PIP4P2: variants seen among roughly 807,000 people sequenced by gnomAD.
The protein encoded by PIP4P2 is type 2 phosphatidylinositol 4,5-bisphosphate 4-phosphatase.
Under a neutral mutation model 33.3 loss-of-function variants are expected in PIP4P2, and 19 were observed. The ratio of observed to expected loss-of-function variants is 0.57; its 90% CI spans 0.40 to 0.84. PIP4P2 has a LOEUF of 0.84. Among genes scored for constraint, PIP4P2 ranks in the 40% least tolerant of loss-of-function variants. The pLI is 0.00. For missense variants in PIP4P2, 270 were observed against 324.7 expected (o/e 0.83, Z 1.29); for synonymous variants, 110 against 111.9 (o/e 0.98, Z 0.11).
chr8:91,019,142 G>A (rs965714275), intron 3 of PIP4P2, among the ~76,000 whole-genome samples: 1 of 151,944 alleles, frequency 6.6e-6, no homozygotes, highest in African/African-American at 2.4e-5. Flanking sequence ...CTGGGCATGA[G>A]CGAATAATTC....
intron 1 of PIP4P2, among the ~76,000 whole-genome samples, chr8:91,024,824 G>A (rs1227193105): frequency 6.6e-6 from 1 of 151,900 alleles, no homozygotes; most frequent in Non-Finnish European, 1.5e-5. Context: ...TAGGCCAGTA[G>A]TCCTTAATCC....
chr8:91,004,039 G>A lies in PIP4P2; in HGVS notation c.539+4704C>T, dbSNP rs75109527. Among the ~76,000 whole-genome samples the A allele has an allele frequency of 9.0e-3, 1,366 of 152,144 alleles. 21 individuals carry two copies. The highest frequency in any genetic ancestry group is 0.031 in the African/African-American group (1,279 of 41,508). On this transcript the variant is annotated intron_variant, in intron 5 of 6. Coordinates refer to ENST00000285419, the MANE Select transcript of PIP4P2 (RefSeq NM_018710.3). ...AAATAGATAAGAGGCAATTTATCAA[G>A]GAAATTGGCTACTGTGATTATAGAG...
At chr8:90,996,369 C>T (rs978958646) in intron 6 of PIP4P2, among the ~76,000 whole-genome samples, 16 of 151,952 alleles carry the variant, frequency 1.1e-4, no homozygotes, top group African/African-American at 3.9e-4. Flanking sequence ...TTAGTTCTGG[C>T]ACTGATTTTT....
At chr8:91,020,971 T>G (rs1018715890) in intron 2 of PIP4P2, among the ~76,000 whole-genome samples, 1 of 152,198 alleles carries the variant, frequency 6.6e-6, no homozygotes, top group Non-Finnish European at 1.5e-5. Flanking sequence ...TGGATAGATA[T>G]TGAAAGTATT....
intron 1 of PIP4P2, among the ~76,000 whole-genome samples, chr8:91,029,124 C>G (rs1187104510): frequency 2.6e-5 from 4 of 151,818 alleles, no homozygotes; most frequent in African/African-American, 4.8e-5. Context: ...AACCCCGTCT[C>G]TATTAAAAAT....
chr8:91,014,880 G>T (rs182280179), intron 4 of PIP4P2, among the ~76,000 whole-genome samples: 14 of 151,334 alleles, frequency 9.3e-5, no homozygotes, highest in African/African-American at 3.4e-4. Flanking sequence ...AAAACATTAG[G>T]CTGTACACCT....
intron 1 of PIP4P2, among the ~76,000 whole-genome samples, chr8:91,036,494 T>C (rs1022415904): frequency 6.6e-6 from 1 of 152,164 alleles, no homozygotes; most frequent in Non-Finnish European, 1.5e-5. Context: ...CTCACTTCCA[T>C]GTGCAATCCA....
chr8:90,999,551 C>T (rs1176340864), intron 5 of PIP4P2, among the ~76,000 whole-genome samples: 2 of 152,058 alleles, frequency 1.3e-5, no homozygotes, highest in East Asian at 3.9e-4. Context: ...CACTTTTGTT[C>T]ACATTCCATT....
chr8:91,018,728 A>G, intron 3 of PIP4P2: 1 of 561,040 alleles, frequency 1.8e-6, no homozygotes, highest in Non-Finnish European at 3.1e-6. Flanking sequence ...AATATATTAT[A>G]GCATTGGTCC....
intron 3 of PIP4P2, among the ~76,000 whole-genome samples, 181 bp downstream of exon 3, chr8:91,019,976 A>G (rs1250498214): frequency 6.6e-6 from 1 of 151,998 alleles, no homozygotes; most frequent in African/African-American, 2.4e-5. Context: ...TATCCTACAA[A>G]TATCTATGAC....
intron 2 of PIP4P2, 88 bp downstream of exon 2, chr8:91,021,168 C>T: frequency 6.8e-7 from 1 of 1,478,414 alleles, no homozygotes; most frequent in Non-Finnish European, 9.2e-7. Flanking sequence ...CCCACATATA[C>T]TTTTAAGTAA....
rs138297003 is a variant in PIP4P2, at chr8:90,995,713, G to T, written c.738C>A (p.Ala246=). The T allele has an allele frequency of 2.4e-5, 38 of 1,613,242 alleles. No individual in the cohort carries two copies. The African/African-American group carries it at 4.5e-4, about 19-fold the overall frequency. ...TGTGTTCTGGATAACTGACTCTTAT[G>T]GCTCCCCAATAACAAGCTCGGATAA... ...ICLIRACYWG[A]IRVSYPEHSF... The change falls in exon 7 of 7, where the codon GCC becomes GCA. Residue 246 remains alanine (A), a synonymous_variant. Transcript: ENST00000285419.
rs138968195 is a variant in PIP4P2, at chr8:91,032,218, C to T, written c.106+8426G>A. ...TGCACCTGAAGTCCAGAAAAAGGAA[C>T]CATGCTTTTTGCTTTTTTCACATTT... On this transcript the variant is annotated intron_variant, in intron 1 of 6. Coordinates refer to ENST00000285419, the MANE Select transcript of PIP4P2 (RefSeq NM_018710.3). Among the ~76,000 whole-genome samples, 374 of 152,240 alleles carry T rather than the reference C, an allele frequency of 2.5e-3. 1 individual carries two copies. Among genetic ancestry groups the T allele is most frequent in the Non-Finnish European group, 3.5e-3 (236 of 68,014 alleles).
Position 91,018,399 on chromosome 8 carries a change from G to T in PIP4P2, c.477C>A (p.Asn159Lys), listed in dbSNP as rs1484723721. ...ATGTCCAGTGACTTACCAGGAATGT[G>T]TTTCCACAGTGCCCACACACGACCC... Reference protein sequence around the residue: ...GTRVVCGHCGNTFLWMELRFN... With the variant: ...GTRVVCGHCGKTFLWMELRFN... Residue 159 changes from asparagine to lysine, a missense_variant, in exon 4 of 7, where the codon AAC (asparagine) becomes AAA (lysine). Asn to Lys is a moderately conservative substitution (Grantham distance 94, BLOSUM62 0). Coordinates refer to ENST00000285419, the MANE Select transcript of PIP4P2 (RefSeq NM_018710.3). 1.9e-6 allele frequency: 3 copies of T among 1,613,862 alleles called. No individual in the cohort carries two copies. The highest frequency in any genetic ancestry group is 2.5e-6 in the Non-Finnish European group (3 of 1,179,902).
At chr8:91,036,938 A>G (rs1043886649) in intron 1 of PIP4P2, among the ~76,000 whole-genome samples, 1 of 152,170 alleles carries the variant, frequency 6.6e-6, no homozygotes, top group African/African-American at 2.4e-5. Flanking sequence ...CTGGTCAGGC[A>G]TCTTTCTCTC....
intron 3 of PIP4P2, among the ~76,000 whole-genome samples, chr8:91,019,416 AAAAAAAAAT>A (rs1811969553): frequency 6.9e-6 from 1 of 145,846 alleles, no homozygotes; most frequent in African/African-American, 2.5e-5. Context: ...AAAAAAAAAA[AAAAAAAAAT>A]ATATTACCTG....
chr8:91,016,423 G>C (rs1401743070), intron 4 of PIP4P2, among the ~76,000 whole-genome samples: 2 of 151,960 alleles, frequency 1.3e-5, no homozygotes, highest in Admixed American at 1.3e-4. Context: ...GAAAATGAAA[G>C]AGGAAAAAGA....
chr8:91,024,870 A>T lies in PIP4P2; in HGVS notation c.107-3466T>A, dbSNP rs577226467. ...CTCCCTCAAAGCTCCAGAATAGAAC[A>T]ATGTTAGAAATTCAAACAATCTTTG... On this transcript the variant is annotated intron_variant, in intron 1 of 6. Coordinates refer to ENST00000285419, the MANE Select transcript of PIP4P2 (RefSeq NM_018710.3). Among the ~76,000 whole-genome samples, 462 of 152,254 alleles carry T rather than the reference A, an allele frequency of 3.0e-3. 1 individual carries two copies. The highest frequency in any genetic ancestry group is 5.9e-3 in the Non-Finnish European group (404 of 68,022).
intron 5 of PIP4P2, among the ~76,000 whole-genome samples, chr8:90,996,982 A>T (rs1268335930): frequency 6.6e-6 from 1 of 152,100 alleles, no homozygotes; most frequent in Non-Finnish European, 1.5e-5. Flanking sequence ...GGTCATTGAT[A>T]ATATCCACAG....
Sources: gnomAD v4.1 joint callset for allele counts (sites outside exome capture counted in the v4.1 genomes callset) on GRCh38, gnomAD v4.1.1 for gene constraint, MANE v1.5 for transcripts, NCBI Gene and HGNC (gene_info 2026-07-23, HGNC 2026-07-21) for gene names.